RAB27B: variants seen among roughly 807,000 people sequenced by gnomAD.
RAB27B encodes ras-related protein Rab-27B.
Under a neutral mutation model 24.6 loss-of-function variants are expected in RAB27B, and 15 were observed. The observed-to-expected ratio is 0.61, with a 90% CI of 0.41 to 0.94. The LOEUF is 0.94. RAB27B is among the 40% of genes least tolerant of loss of function. The pLI is 0.00. For synonymous variants in RAB27B, 105 were observed against 92.5 expected (o/e 1.14, Z -0.78); for missense variants, 261 against 266.8 (o/e 0.98, Z 0.15).
intron 2 of RAB27B, among the ~76,000 whole-genome samples, chr18:54,787,207 G>A (rs1909114516): frequency 6.6e-6 from 1 of 152,214 alleles, no homozygotes; most frequent in Admixed American, 6.5e-5. Context: ...AGAGGTACCA[G>A]CTGCCAGCTC....
intron 2 of RAB27B, among the ~76,000 whole-genome samples, chr18:54,762,746 A>T (rs1036781037): frequency 2.6e-5 from 4 of 151,280 alleles, no homozygotes; most frequent in African/African-American, 7.3e-5. Flanking sequence ...ACCGGGCCCC[A>T]CTCCTTATCT....
intron 2 of RAB27B, among the ~76,000 whole-genome samples, chr18:54,719,649 T>C (rs772477904): frequency 1.4e-4 from 21 of 152,000 alleles, no homozygotes; most frequent in Non-Finnish European, 2.5e-4. Context: ...CTTTCATTAG[T>C]TTCTGGGCAA....
intron 1 of RAB27B, among the ~76,000 whole-genome samples, chr18:54,877,260 C>T (rs575783264): frequency 1.3e-5 from 2 of 152,226 alleles, no homozygotes; most frequent in South Asian, 4.1e-4. Context: ...AAACCTCATT[C>T]CTTTATAAAC....
intron 2 of RAB27B, among the ~76,000 whole-genome samples, chr18:54,772,199 C>T (rs560529680): frequency 6.6e-6 from 1 of 152,296 alleles, no homozygotes; most frequent in African/African-American, 2.4e-5. Context: ...TGTTAAATGA[C>T]ATTTGGCAAC....
intron 2 of RAB27B, among the ~76,000 whole-genome samples, chr18:54,759,800 AG>A (rs1908125525): frequency 6.6e-6 from 1 of 152,196 alleles, no homozygotes; most frequent in Non-Finnish European, 1.5e-5. Context: ...TCAGAGGTAC[AG>A]CCTGATGGCT....
chr18:54,723,607 AATAG>A (rs1348658753), intron 2 of RAB27B, among the ~76,000 whole-genome samples: 1 of 152,150 alleles, frequency 6.6e-6, no homozygotes, highest in Non-Finnish European at 1.5e-5. Flanking sequence ...TGAGAGAAAC[AATAG>A]ATAGCTAGAG....
chr18:54,878,675 T>C (rs1214401536), intron 2 of RAB27B, among the ~76,000 whole-genome samples: 1 of 152,150 alleles, frequency 6.6e-6, no homozygotes, highest in Non-Finnish European at 1.5e-5. Flanking sequence ...CTTTAAAACG[T>C]ATTCACTAAA....
intron 2 of RAB27B, among the ~76,000 whole-genome samples, chr18:54,793,747 G>A (rs1909327438): frequency 6.6e-6 from 1 of 152,214 alleles, no homozygotes; most frequent in Non-Finnish European, 1.5e-5. Flanking sequence ...ATCCAATCAA[G>A]TTTGAAAGTA....
intron 2 of RAB27B, among the ~76,000 whole-genome samples, chr18:54,804,923 T>TTTCTTTCC (rs1491263125): frequency 9.1e-5 from 7 of 77,222 alleles, no homozygotes; most frequent in African/African-American, 2.7e-4. Context: ...TCTTTCTTTC[T>TTTCTTTCC]TTCTTTCTTT....
intron 2 of RAB27B, among the ~76,000 whole-genome samples, chr18:54,813,471 T>G (rs1321612864): frequency 6.6e-6 from 1 of 152,144 alleles, no homozygotes; most frequent in Non-Finnish European, 1.5e-5. Flanking sequence ...GCCCTCCCCA[T>G]GGTAATGAGT....
intron 2 of RAB27B, among the ~76,000 whole-genome samples, chr18:54,791,499 A>G (rs1039140217): frequency 6.6e-6 from 1 of 152,166 alleles, no homozygotes. Context: ...ACTTGAGCCC[A>G]AAAGGTCAAG....
chr18:54,776,912 G>T (rs1229746566), intron 2 of RAB27B, among the ~76,000 whole-genome samples: 1 of 152,120 alleles, frequency 6.6e-6, no homozygotes, highest in Non-Finnish European at 1.5e-5. Flanking sequence ...GGGTGTGGTG[G>T]CACACACTGG....
At chr18:54,755,656 T>A (rs1231371755) in intron 2 of RAB27B, among the ~76,000 whole-genome samples, 1 of 152,208 alleles carries the variant, frequency 6.6e-6, no homozygotes, top group Non-Finnish European at 1.5e-5. Flanking sequence ...CTGCATCAGA[T>A]CACTACTTTG....
intron 2 of RAB27B, among the ~76,000 whole-genome samples, chr18:54,819,874 G>T (rs958696966): frequency 1.7e-4 from 25 of 149,888 alleles, no homozygotes; most frequent in African/African-American, 5.2e-4. Flanking sequence ...TGCAGTGTTT[G>T]GTTTTTTGTC....
At chr18:54,838,080 T>C (rs1378232473) in intron 1 of RAB27B, among the ~76,000 whole-genome samples, 1 of 152,156 alleles carries the variant, frequency 6.6e-6, no homozygotes, top group Admixed American at 6.6e-5. Flanking sequence ...TTAATTTAAG[T>C]GCAAATTAAC....
intron 2 of RAB27B, among the ~76,000 whole-genome samples, chr18:54,799,310 A>G (rs893009534): frequency 6.6e-6 from 1 of 152,274 alleles, no homozygotes; most frequent in Admixed American, 6.5e-5. Flanking sequence ...CTTTGCTTTC[A>G]CTAGTGATTT....
At chr18:54,813,307 G>A (rs2145152756) in intron 2 of RAB27B, among the ~76,000 whole-genome samples, 1 of 152,300 alleles carries the variant, frequency 6.6e-6, no homozygotes, top group Non-Finnish European at 1.5e-5. Flanking sequence ...AAGTTTACGT[G>A]CCTCATTTAA....
At chr18:54,888,227 T>G (rs1159240318) in intron 5 of RAB27B, 109 bp downstream of exon 5, 3 of 1,286,536 alleles carry the variant, frequency 2.3e-6, no homozygotes, top group Non-Finnish European at 3.2e-6. Flanking sequence ...AAGAACAGCA[T>G]GTGGATTAAA....
intron 2 of RAB27B, among the ~76,000 whole-genome samples, chr18:54,784,906 CAGAT>C (rs1487441670): frequency 6.6e-6 from 1 of 152,182 alleles, no homozygotes; most frequent in African/African-American, 2.4e-5. Context: ...TGTCATTCCT[CAGAT>C]AGAATTCCTC....
Sources: gnomAD v4.1 joint callset for allele counts (sites outside exome capture counted in the v4.1 genomes callset) on GRCh38, gnomAD v4.1.1 for gene constraint, MANE v1.5 for transcripts, NCBI Gene and HGNC (gene_info 2026-07-23, HGNC 2026-07-21) for gene names.